WARS1: variants seen among roughly 807,000 people sequenced by gnomAD.
WARS1 encodes the protein tryptophan--tRNA ligase, cytoplasmic.
WARS1 carries 17 observed loss-of-function variants against 47.8 expected under a neutral mutation model. That is an observed-to-expected ratio of 0.36 (90% CI 0.24 to 0.53). The LOEUF is 0.53. Ranked by LOEUF, WARS1 falls within the 20% of genes least tolerant of loss-of-function variation. WARS1 has a pLI of 0.91. For synonymous variants in WARS1, 208 were observed against 228.1 expected (o/e 0.91, Z 0.79); for missense variants, 434 against 608.0 (o/e 0.71, Z 3.01).
intron 10 of WARS1, among the ~76,000 whole-genome samples, chr14:100,336,261 G>A (rs985409670): frequency 7.1e-6 from 1 of 140,758 alleles, no homozygotes; most frequent in Non-Finnish European, 1.5e-5. Context: ...GGGTGACAGA[G>A]CAGGACTCTG....
chr14:100,338,009 C>T (rs549763292), intron 9 of WARS1, among the ~76,000 whole-genome samples: 26 of 152,248 alleles, frequency 1.7e-4, no homozygotes, highest in African/African-American at 5.5e-4. Flanking sequence ...CAGCCCCACA[C>T]AGAAAGCATA....
chr14:100,354,911 T>C (rs889351235), intron 4 of WARS1, among the ~76,000 whole-genome samples: 10 of 152,318 alleles, frequency 6.6e-5, no homozygotes, highest in Non-Finnish European at 8.8e-5. Context: ...CAACACCATA[T>C]GATCCTTGCT....
intron 2 of WARS1, among the ~76,000 whole-genome samples, chr14:100,365,094 G>A (rs924813942): frequency 1.3e-5 from 2 of 148,834 alleles, no homozygotes; most frequent in African/African-American, 5.0e-5. Flanking sequence ...GCACTCCAAC[G>A]TGGAAAGAGC....
At chr14:100,335,965 T>C (rs1238080334) in intron 10 of WARS1, among the ~76,000 whole-genome samples, 1 of 139,808 alleles carries the variant, frequency 7.2e-6, no homozygotes, top group East Asian at 2.0e-4. Flanking sequence ...TCACTAAAAC[T>C]TTTTTTTTTT....
At chr14:100,371,947 T>C (rs778741962) in intron 1 of WARS1, among the ~76,000 whole-genome samples, 3 of 152,064 alleles carry the variant, frequency 2.0e-5, no homozygotes, top group Non-Finnish European at 4.4e-5. Flanking sequence ...ACTGATGACA[T>C]TCCTTCACAA....
At chr14:100,363,395 G>T (rs757829285) in intron 2 of WARS1, among the ~76,000 whole-genome samples, 2 of 152,048 alleles carry the variant, frequency 1.3e-5, no homozygotes, top group Non-Finnish European at 2.9e-5. Flanking sequence ...CACTGAAACA[G>T]GATTCAAAAG....
intron 6 of WARS1, among the ~76,000 whole-genome samples, chr14:100,348,464 C>G (rs1243928328): frequency 6.6e-6 from 1 of 152,122 alleles, no homozygotes; most frequent in South Asian, 2.1e-4. Flanking sequence ...AGGGCGGGCG[C>G]AGTACTGTGA....
chr14:100,339,394 A>G (rs1296711550), intron 9 of WARS1, among the ~76,000 whole-genome samples: 1 of 152,056 alleles, frequency 6.6e-6, no homozygotes, highest in Non-Finnish European at 1.5e-5. Flanking sequence ...GATCAAGACC[A>G]TCCTGGCTAA....
At chr14:100,358,794 C>A (rs1027503076) in intron 4 of WARS1, among the ~76,000 whole-genome samples, 3 of 152,030 alleles carry the variant, frequency 2.0e-5, no homozygotes, top group Admixed American at 1.3e-4. Flanking sequence ...AAACTAGTAT[C>A]CAGAATATAG....
chr14:100,355,714 C>T (rs1354793641), intron 4 of WARS1, among the ~76,000 whole-genome samples: 1 of 152,170 alleles, frequency 6.6e-6, no homozygotes, highest in Non-Finnish European at 1.5e-5. Context: ...TCCTTATATT[C>T]CCCAAGCCAA....
intron 4 of WARS1, 88 bp from the exon 5 acceptor site, chr14:100,354,654 C>CA: frequency 7.0e-7 from 1 of 1,428,696 alleles, no homozygotes; most frequent in Non-Finnish European, 9.5e-7. Context: ...AAAATATAGA[C>CA]AGAGACGAAA....
At chr14:100,361,006 T>C (rs1044782396) in intron 3 of WARS1, among the ~76,000 whole-genome samples, 4 of 151,998 alleles carry the variant, frequency 2.6e-5, no homozygotes, top group Admixed American at 6.6e-5. Context: ...GGTATATATA[T>C]ATATATTTGT....
intron 2 of WARS1, among the ~76,000 whole-genome samples, chr14:100,365,113 G>A (rs1566863317): frequency 8.6e-6 from 1 of 116,620 alleles, no homozygotes; most frequent in Admixed American, 8.5e-5. Context: ...GCGAGACCCT[G>A]TCTCAAAAAA....
chr14:100,369,702 G>A lies in WARS1; in HGVS notation c.-73-444C>T, dbSNP rs149354950. On this transcript the variant is annotated intron_variant, in intron 1 of 10. Coordinates refer to ENST00000392882, the MANE Select transcript of WARS1 (RefSeq NM_004184.4). The stretch of plus-strand genomic sequence containing the variant: ...TTTGATTTTTTTTTTTTTTGAGATG[G>A]AGTCTCGCTCTGCCACCCAGGCTGG... Among the ~76,000 whole-genome samples the A allele has an allele frequency of 1.7e-3, 263 of 151,184 alleles. 1 individual carries two copies. The highest frequency in any genetic ancestry group is 3.2e-3 in the Non-Finnish European group (217 of 67,802).
chr14:100,345,158 C>T (rs1178941938), intron 7 of WARS1, among the ~76,000 whole-genome samples: 19 of 150,690 alleles, frequency 1.3e-4, no homozygotes, highest in Non-Finnish European at 2.2e-4. Context: ...GCCACCACCC[C>T]GTCTGGGAGG....
intron 2 of WARS1, chr14:100,366,066 C>T (rs1895970964): frequency 2.2e-6 from 1 of 456,028 alleles, no homozygotes; most frequent in South Asian, 1.5e-5. Flanking sequence ...TCACAGTTTC[C>T]CCTCCATTCC....
intron 6 of WARS1, among the ~76,000 whole-genome samples, chr14:100,351,393 T>C (rs1442191040): frequency 6.6e-6 from 1 of 151,578 alleles, no homozygotes; most frequent in Non-Finnish European, 1.5e-5. Flanking sequence ...GGCTCACACC[T>C]GTAATCGCAG....
At chr14:100,375,567 C>G (rs1377467802), upstream of WARS1, 1 of 152,462 alleles carries the variant, frequency 6.6e-6, no homozygotes. Context: ...AGGTTGAGAC[C>G]AATGAAACCC....
chr14:100,371,900 C>T (rs1896373888), intron 1 of WARS1, among the ~76,000 whole-genome samples: 1 of 152,122 alleles, frequency 6.6e-6, no homozygotes, highest in Non-Finnish European at 1.5e-5. Context: ...GCCACCATAT[C>T]CCCTGTGACC....
Sources: gnomAD v4.1 joint callset for allele counts (sites outside exome capture counted in the v4.1 genomes callset) on GRCh38, gnomAD v4.1.1 for gene constraint, MANE v1.5 for transcripts, NCBI Gene and HGNC (gene_info 2026-07-23, HGNC 2026-07-21) for gene names.